PACS2: variants seen among roughly 807,000 people sequenced by gnomAD.
PACS2 encodes the protein phosphofurin acidic cluster sorting protein 2.
PACS2 carries 36 observed loss-of-function variants against 113.0 expected under a neutral mutation model. That is an observed-to-expected ratio of 0.32 (90% CI 0.24 to 0.42). PACS2 has a LOEUF of 0.42. PACS2 is among the 10% of genes least tolerant of loss of function. The pLI is 1.00. For missense variants in PACS2, 1,015 were observed against 1,239.5 expected (o/e 0.82, Z 2.72); for synonymous variants, 589 against 536.1 (o/e 1.10, Z -1.36).
At position 105,392,238 on chromosome 14, in the gene PACS2, T is replaced by C. The variant is rs587688395; in HGVS notation, c.2256-381T>C. On this transcript the variant is annotated intron_variant, in intron 22 of 24. Coordinates refer to ENST00000447393, the MANE Select transcript of PACS2 (RefSeq NM_001100913.3). ...GGCCAGGCGTGGTGCTGGTGCTGCG[T>C]GCAGGGCTCACACCAGCAGATACCC... The C allele has an allele frequency of 7.6e-4, 270 of 353,850 alleles. 1 individual carries two copies. The highest frequency in any genetic ancestry group is 5.5e-3 in the African/African-American group (261 of 47,498). 21.9% of individuals were successfully genotyped at this position (353,850 alleles called of 1,614,324 possible).
In PACS2 at chr14:105,356,830, C is replaced by T. The variant is rs1247080870; in HGVS notation, c.423+1653C>T. ...TTCCCATTAGCCATGCAGGCGATGTCCTGCTGATCCCTGCCGGTCCCTGTG... is the reference window on the plus strand; with the variant it reads ...TTCCCATTAGCCATGCAGGCGATGTTCTGCTGATCCCTGCCGGTCCCTGTG... On this transcript the variant is annotated intron_variant, in intron 4 of 24. Transcript: ENST00000447393. This position sits in a 1 kb window ranked among gnomAD's most constrained non-coding sequence, Gnocchi z 4.0. Among the ~76,000 whole-genome samples the T allele has an allele frequency of 6.7e-6, 1 of 150,230 alleles. No individual in the cohort carries two copies. The highest frequency in any genetic ancestry group is 1.5e-5 in the Non-Finnish European group (1 of 67,906).
At chr14:105,361,494 A>G (rs782597602) in intron 4 of PACS2, among the ~76,000 whole-genome samples, 1 of 152,102 alleles carries the variant, frequency 6.6e-6, no homozygotes, top group Non-Finnish European at 1.5e-5. Flanking sequence ...ACAATTAGCC[A>G]GGTGTGGTAG....
intron 1 of PACS2, among the ~76,000 whole-genome samples, chr14:105,326,985 A>T (rs2059134748): frequency 6.6e-6 from 1 of 152,172 alleles, no homozygotes; most frequent in Non-Finnish European, 1.5e-5. Context: ...CGCCTTGGAA[A>T]GTTAAGTCAC....
intron 1 of PACS2, among the ~76,000 whole-genome samples, chr14:105,304,347 G>T (rs1443296133): frequency 2.0e-5 from 3 of 152,148 alleles, no homozygotes. Flanking sequence ...AAATTAGCAG[G>T]TGTGATGGTG....
intron 19 of PACS2, among the ~76,000 whole-genome samples, chr14:105,386,657 C>T (rs1052820586): frequency 6.6e-6 from 1 of 151,974 alleles, no homozygotes; most frequent in African/African-American, 2.4e-5. Context: ...CCTAGGAAAC[C>T]CCCCCAACCC....
chr14:105,325,859 C>A (rs913995983), intron 1 of PACS2, among the ~76,000 whole-genome samples: 2 of 152,264 alleles, frequency 1.3e-5, no homozygotes, highest in African/African-American at 2.4e-5. Context: ...TGCTGTCCTG[C>A]GAGCTTGGCC....
At position 105,383,404 on chromosome 14, in the gene PACS2, G is replaced by A; in HGVS notation, c.1671G>A (p.Val557=). 1.2e-6 allele frequency: 2 copies of A among 1,609,172 alleles called. No homozygotes were observed. The highest frequency in any genetic ancestry group is 1.7e-6 in the Non-Finnish European group (2 of 1,179,930). Residue 557 remains valine, a synonymous_variant, in exon 16 of 25, where the codon GTG becomes GTA. Coordinates refer to ENST00000447393, the MANE Select transcript of PACS2 (RefSeq NM_001100913.3). ...SQPPTPVKIA[V]AGAQHYLSAI... ...CCCCGACCCCCGTGAAGATCGCCGT[G>A]GCGGGAGCGCAGCATTACCTCAGTG...
chr14:105,328,867 T>A (rs116033372), intron 1 of PACS2, among the ~76,000 whole-genome samples: 2,178 of 152,224 alleles, frequency 0.014, 58 homozygotes, highest in African/African-American at 0.05. Flanking sequence ...CAGGGCGGCG[T>A]CCTCTCTCAG....
chr14:105,384,159 G>A, intron 16 of PACS2, 194 bp from the exon 17 acceptor site: 1 of 567,878 alleles, frequency 1.8e-6, no homozygotes, highest in East Asian at 3.0e-5. Context: ...CAGGGCTGGA[G>A]CTCCTTCAGC....
In PACS2 at chr14:105,314,788, C is replaced by T. The variant is rs1163970298; in HGVS notation, c.-131C>T. 1 of 212,316 alleles carries T rather than the reference C, an allele frequency of 4.7e-6. No homozygotes were observed. The highest frequency in any genetic ancestry group is 7.9e-6 in the Non-Finnish European group (1 of 126,998). 13.2% of individuals were successfully genotyped at this position (212,316 alleles called of 1,614,324 possible). On this transcript the variant is annotated 5_prime_UTR_variant, in exon 1 of 25. Transcript: ENST00000447393. ...CCGCGGGCCTGTCCGACGCCGGGGC[C>T]CGGCCCGTCCCCTCCGCCGCCCGGC...
Position 105,375,253 on chromosome 14 carries a change from G to A in PACS2, c.802-1515G>A, listed in dbSNP as rs1555410126. Reference sequence around the variant, plus strand: ...CCAGAACTTTGGGAGGCCGAGGCGGGTGGATTACAAGGTCAAGAGATCAAG... The same window carrying A: ...CCAGAACTTTGGGAGGCCGAGGCGGATGGATTACAAGGTCAAGAGATCAAG... On this transcript the variant is annotated intron_variant, in intron 8 of 24. Coordinates refer to ENST00000447393, the MANE Select transcript of PACS2 (RefSeq NM_001100913.3). Among the ~76,000 whole-genome samples, 4 of 152,148 alleles carry A rather than the reference G, an allele frequency of 2.6e-5. No individual in the cohort carries two copies. In the South Asian group the frequency reaches 8.3e-4, roughly 32 times the overall value.
intron 1 of PACS2, among the ~76,000 whole-genome samples, chr14:105,302,418 G>A (rs2058067734): frequency 6.6e-6 from 1 of 151,896 alleles, no homozygotes; most frequent in Admixed American, 6.6e-5. Context: ...GGTCAGGCCA[G>A]TCTTGAACTC....
intron 16 of PACS2, 154 bp from the exon 17 acceptor site, chr14:105,384,199 A>C: frequency 1.7e-6 from 1 of 592,504 alleles, no homozygotes; most frequent in Non-Finnish European, 3.0e-6. Flanking sequence ...AGGGAGGGGC[A>C]GTGGTGGCTT....
At chr14:105,381,136 C>G (rs782089220) in intron 12 of PACS2, 37 bp downstream of exon 12, 9 of 1,579,940 alleles carry the variant, frequency 5.7e-6, no homozygotes, top group South Asian at 1.1e-5. Flanking sequence ...GGCGGTGATG[C>G]ACCTGTCGGG....
chr14:105,382,165 C>T, intron 13 of PACS2, 107 bp downstream of exon 13: 1 of 1,255,630 alleles, frequency 8.0e-7, no homozygotes, highest in African/African-American at 1.5e-5. Context: ...GGTGCTGGGC[C>T]ACAGAGCATG....
intron 1 of PACS2, among the ~76,000 whole-genome samples, chr14:105,303,041 A>G (rs8015973): frequency 0.34 from 51,635 of 151,282 alleles, 9,357 homozygotes; most frequent in African/African-American, 0.46. Flanking sequence ...TGATTCTGTC[A>G]CTTCAGCCTC....
intron 8 of PACS2, among the ~76,000 whole-genome samples, chr14:105,375,269 A>G (rs2061312508): frequency 6.6e-6 from 1 of 152,092 alleles, no homozygotes; most frequent in Non-Finnish European, 1.5e-5. Flanking sequence ...TACAAGGTCA[A>G]GAGATCAAGA....
chr14:105,368,197 C>T, intron 6 of PACS2, 50 bp downstream of exon 6: 2 of 1,346,124 alleles, frequency 1.5e-6, no homozygotes, highest in Admixed American at 1.7e-5. Context: ...CACCGGGTGT[C>T]CTGGGGTCTG....
chr14:105,328,878 T>A (rs587633488), intron 1 of PACS2, among the ~76,000 whole-genome samples: 1 of 152,356 alleles, frequency 6.6e-6, no homozygotes, highest in South Asian at 2.1e-4. Flanking sequence ...CCTCTCTCAG[T>A]GCCACTGTGA....
Sources: allele counts gnomAD v4.1 joint callset (sites outside exome capture counted in the v4.1 genomes callset), GRCh38; gene constraint gnomAD v4.1.1; non-coding constraint Gnocchi (gnomAD v3.1); transcripts MANE v1.5; gene names NCBI Gene and HGNC (gene_info 2026-07-23, HGNC 2026-07-21).